Variants in MATN2 observed in about 807,000 individuals in gnomAD.
MATN2 encodes matrilin 2, also known as matrilin-2.
A neutral mutation model predicts 103.2 loss-of-function variants in MATN2; 69 were observed. That is an observed-to-expected ratio of 0.67 (90% CI 0.55 to 0.82). The LOEUF is 0.82. Ranked by LOEUF, MATN2 falls within the 40% of genes least tolerant of loss-of-function variation. MATN2 has a pLI of 0.00. For synonymous variants in MATN2, 429 were observed against 450.2 expected, an observed-to-expected ratio of 0.95 and a Z score of 0.60; for missense variants, 1,023 against 1,211.5, an observed-to-expected ratio of 0.84 and a Z score of 2.31.
chr8:97,891,485 A>G (rs1421921234), intron 2 of MATN2, among the ~76,000 whole-genome samples: 1 of 152,064 alleles, frequency 6.6e-6, no homozygotes, highest in East Asian at 1.9e-4. Context: ...CTACAGGCAC[A>G]TGACACTACG....
intron 2 of MATN2, among the ~76,000 whole-genome samples, chr8:97,895,377 G>A (rs536663642): frequency 5.9e-5 from 9 of 152,250 alleles, no homozygotes; most frequent in Non-Finnish European, 1.2e-4. Flanking sequence ...TAAAACTTTT[G>A]TCTCCTTCCC....
chr8:97,965,437 G>A (rs1026487160), intron 5 of MATN2, among the ~76,000 whole-genome samples: 5 of 152,108 alleles, frequency 3.3e-5, no homozygotes, highest in African/African-American at 9.7e-5. Context: ...GGGTGAGAGA[G>A]GATAGGAACC....
rs562673573 is a variant in MATN2 at position 97,871,912 on chromosome 8, C to T, written c.-27+2625C>T. Among the ~76,000 whole-genome samples, 10 of 152,306 alleles carry T rather than the reference C, an allele frequency of 6.6e-5. No individual in the cohort carries two copies. The East Asian group carries it at 1.3e-3, about 21-fold the overall frequency. On this transcript the variant is annotated intron_variant, in intron 1 of 18. Coordinates refer to ENST00000254898, the MANE Select transcript of MATN2 (RefSeq NM_002380.5). Reference sequence around the variant, plus strand: ...CCCAAAGCACACTGCTCTTGGCACCCGAAAGACCTGGGTTGCAGTTCTAGC... The same window carrying T: ...CCCAAAGCACACTGCTCTTGGCACCTGAAAGACCTGGGTTGCAGTTCTAGC...
rs769625621 is a variant in MATN2, at chr8:98,033,571, G to T, written c.2727G>T (p.Leu909Phe). The change falls in exon 18 of 19, where the codon TTG becomes TTT. Residue 909 changes from leucine (L) to phenylalanine (F), a missense_variant. Transcript: ENST00000254898. ...SHSTKPSGSP[L>F]EEKHDQCKCE... ...CATCTGCTTTCTCAGGAAGCCCTTT[G>T]GAAGAAAAACACGATCAATGCAAAT... The T allele has an allele frequency of 1.3e-6, 2 of 1,589,536 alleles. No homozygotes were observed. Among genetic ancestry groups the T allele is most frequent in the Admixed American group, 3.6e-5 (2 of 55,918 alleles).
chr8:98,031,196 G>A (rs1446365444), intron 15 of MATN2, among the ~76,000 whole-genome samples: 1 of 152,132 alleles, frequency 6.6e-6, no homozygotes, highest in East Asian at 1.9e-4. Flanking sequence ...CAATTAGCTA[G>A]GCATGATGGC....
intron 4 of MATN2, among the ~76,000 whole-genome samples, chr8:97,952,740 C>T (rs530326495): frequency 2.0e-5 from 3 of 152,224 alleles, no homozygotes; most frequent in Admixed American, 6.5e-5. Flanking sequence ...CTGTCAGATA[C>T]ATGCTAATGG....
rs1554605715 is a variant in MATN2 at position 97,945,717 on chromosome 8, A to ATATATATATATAT, written c.835+3818_835+3819insTATATATATATAT. Among the ~76,000 whole-genome samples, 9 of 121,810 alleles carry ATATATATATATAT rather than the reference A, an allele frequency of 7.4e-5. 1 individual carries two copies. Among genetic ancestry groups the ATATATATATATAT allele is most frequent in the East Asian group, 7.0e-4 (3 of 4,298 alleles). 79.9% of individuals were successfully genotyped at this position (121,810 alleles called of 152,430 possible). A position where few individuals can be genotyped will look rare whatever the true frequency, so the allele number is the denominator to read the frequency against. ...CATACACACTATAGAAAAAAAAAAA[A>ATATATATATATAT]ATATATATATATATATATAATCTCC... On this transcript the variant is annotated intron_variant, in intron 4 of 18. Transcript: ENST00000254898.
intron 4 of MATN2, among the ~76,000 whole-genome samples, chr8:97,959,384 T>G (rs541378304): frequency 4.9e-4 from 74 of 150,236 alleles, no homozygotes; most frequent in African/African-American, 1.7e-3. Context: ...TGAATGAATA[T>G]CGTATGATTC....
intron 2 of MATN2, among the ~76,000 whole-genome samples, chr8:97,929,762 C>G (rs961428568): frequency 3.9e-5 from 6 of 152,152 alleles, no homozygotes; most frequent in Non-Finnish European, 7.3e-5. Context: ...TCTGAGTCCC[C>G]CTCTCAATGA....
chr8:97,878,859 A>G (rs982125891), intron 1 of MATN2, among the ~76,000 whole-genome samples: 1 of 152,106 alleles, frequency 6.6e-6, no homozygotes, highest in South Asian at 2.1e-4. Flanking sequence ...CTCAAAAAAA[A>G]AAGAAGAAGA....
intron 4 of MATN2, among the ~76,000 whole-genome samples, chr8:97,949,149 C>A (rs1268813991): frequency 6.7e-6 from 1 of 150,246 alleles, no homozygotes; most frequent in African/African-American, 2.4e-5. Context: ...CAGGAGATAT[C>A]ACTATACCTC....
At chr8:97,925,764 G>T (rs971592216) in intron 2 of MATN2, among the ~76,000 whole-genome samples, 1 of 152,110 alleles carries the variant, frequency 6.6e-6, no homozygotes, top group Admixed American at 6.5e-5. Flanking sequence ...TGGGATCATA[G>T]GACTCTAATA....
At chr8:97,999,952 C>T (rs1313523992) in intron 7 of MATN2, among the ~76,000 whole-genome samples, 1 of 151,146 alleles carries the variant, frequency 6.6e-6, no homozygotes, top group Non-Finnish European at 1.5e-5. Context: ...GCGATCTTGG[C>T]TCACTGCAAC....
intron 12 of MATN2, among the ~76,000 whole-genome samples, chr8:98,020,584 T>C (rs1325981262): frequency 2.6e-5 from 4 of 152,220 alleles, no homozygotes; most frequent in African/African-American, 9.7e-5. Context: ...ATTTCACCAT[T>C]CCTGCTTCCT....
At chr8:97,916,189 C>A (rs567479980) in intron 2 of MATN2, among the ~76,000 whole-genome samples, 1 of 151,958 alleles carries the variant, frequency 6.6e-6, no homozygotes, top group East Asian at 1.9e-4. Flanking sequence ...CATGCCTCAG[C>A]GTCCCAAGTA....
intron 10 of MATN2, among the ~76,000 whole-genome samples, chr8:98,015,730 A>G (rs913280568): frequency 2.0e-5 from 3 of 152,182 alleles, no homozygotes; most frequent in East Asian, 1.9e-4. Flanking sequence ...GACATATCAC[A>G]TATTTGTCTG....
chr8:97,978,171 G>A (rs2512046), intron 5 of MATN2, among the ~76,000 whole-genome samples: 83,567 of 152,002 alleles, frequency 0.55, 23,703 homozygotes, highest in Middle Eastern at 0.66. Flanking sequence ...GACCTGGCCC[G>A]TAGTAGGTAC....
Position 98,033,634 on chromosome 8 carries a change from A to G in MATN2, c.2790A>G (p.Glu930=). 2 of 1,605,660 alleles carry G rather than the reference A, an allele frequency of 1.2e-6. No homozygotes were observed. Among genetic ancestry groups the G allele is most frequent in the Non-Finnish European group, 8.5e-7 (1 of 1,175,626 alleles). The change falls in exon 18 of 19, where the codon GAA becomes GAG. Residue 930 remains glutamate, a synonymous_variant. Transcript: ENST00000254898. ...NLIMFQNLAN[E]EVRKLTQRLE... is the part of the protein sequence containing the mutation. ...TAATGTTCCAGAACCTTGCAAACGAAGAAGTAAGAAAATTAACACAGCGCT... is the reference window on the plus strand; with the variant it reads ...TAATGTTCCAGAACCTTGCAAACGAGGAAGTAAGAAAATTAACACAGCGCT...
chr8:97,926,185 C>T (rs1378125), intron 2 of MATN2, among the ~76,000 whole-genome samples: 99,382 of 151,890 alleles, frequency 0.65, 33,216 homozygotes, highest in East Asian at 0.92. Flanking sequence ...AGAGGGATGA[C>T]GTTTTATTAT....
Sources: gnomAD v4.1 joint callset for allele counts (sites outside exome capture counted in the v4.1 genomes callset) on GRCh38, gnomAD v4.1.1 for gene constraint, MANE v1.5 for transcripts, NCBI Gene and HGNC (gene_info 2026-07-23, HGNC 2026-07-21) for gene names.